Variants in TCF4 observed in about 807,000 individuals in gnomAD.
TCF4 encodes SL3-3 enhancer factor 2.
A neutral mutation model predicts 82.1 loss-of-function variants in TCF4; 3 were observed. The observed-to-expected ratio is 0.04, with a 90% CI of 0.02 to 0.09. TCF4 has a LOEUF of 0.09. TCF4 is among the 10% of genes least tolerant of loss of function. The pLI is 1.00. For synonymous variants in TCF4, 276 were observed against 309.6 expected (o/e 0.89, Z 1.14); for missense variants, 518 against 852.7 (o/e 0.61, Z 4.89).
intron 5 of TCF4, chr18:55,423,664 T>A (rs2094867841): frequency 6.6e-6 from 1 of 152,090 alleles, no homozygotes; most frequent in Non-Finnish European, 1.5e-5. Context: ...ACCAAACCAA[T>A]CAATCACAGA....
At chr18:55,362,237 G>A (rs911994634) in intron 6 of TCF4, among the ~76,000 whole-genome samples, 20 of 151,828 alleles carry the variant, frequency 1.3e-4, no homozygotes, top group African/African-American at 4.6e-4. Context: ...GAGCCCAAGA[G>A]TTCAGGAGTT....
chr18:55,511,837 T>G (rs184480671), intron 3 of TCF4, among the ~76,000 whole-genome samples: 1 of 152,132 alleles, frequency 6.6e-6, no homozygotes, highest in East Asian at 1.9e-4. Context: ...CTAATGTAAC[T>G]TGCACTTAGG....
chr18:55,444,837 C>T (rs1194405372), intron 5 of TCF4, among the ~76,000 whole-genome samples: 1 of 152,192 alleles, frequency 6.6e-6, no homozygotes, highest in South Asian at 2.1e-4. Flanking sequence ...CCATGACCTA[C>T]TTCTCCTCAT....
At chr18:55,461,609 T>C (rs2095868918) in intron 4 of TCF4, among the ~76,000 whole-genome samples, 1 of 152,134 alleles carries the variant, frequency 6.6e-6, no homozygotes, top group Non-Finnish European at 1.5e-5. Flanking sequence ...TAGTTACTAT[T>C]GTGGTATTGT....
At chr18:55,597,795 G>A (rs1603625160) in intron 2 of TCF4, among the ~76,000 whole-genome samples, 2 of 152,010 alleles carry the variant, frequency 1.3e-5, no homozygotes, top group Non-Finnish European at 2.9e-5. Flanking sequence ...TATCTAATCT[G>A]GATTTTAAAA....
intron 1 of TCF4, chr18:55,635,633 G>A: frequency 6.7e-7 from 1 of 1,493,744 alleles, no homozygotes; most frequent in Non-Finnish European, 8.9e-7. Context: ...TGGCCATGGT[G>A]GCCATGGGAG....
intron 5 of TCF4, among the ~76,000 whole-genome samples, chr18:55,449,113 G>A (rs555051620): frequency 6.6e-6 from 1 of 152,300 alleles, no homozygotes; most frequent in Admixed American, 6.5e-5. Context: ...AGTTAGGTCA[G>A]TAACAGAAGC....
chr18:55,239,309 C>T (rs1378104225), intron 15 of TCF4, among the ~76,000 whole-genome samples: 3 of 152,170 alleles, frequency 2.0e-5, no homozygotes, highest in African/African-American at 7.2e-5. Context: ...TTAGGTCAAA[C>T]TCTTCATTTT....
At chr18:55,526,043 G>A (rs901736616) in intron 3 of TCF4, among the ~76,000 whole-genome samples, 1 of 152,136 alleles carries the variant, frequency 6.6e-6, no homozygotes, top group African/African-American at 2.4e-5. Context: ...CAGGCATCAG[G>A]TAGCCACTTA....
At chr18:55,518,263 A>T (rs1413980521) in intron 3 of TCF4, among the ~76,000 whole-genome samples, 1 of 152,158 alleles carries the variant, frequency 6.6e-6, no homozygotes, top group Non-Finnish European at 1.5e-5. Flanking sequence ...ATATGAATTC[A>T]TCAGGTACAG....
At chr18:55,422,209 G>C (rs370341513) in intron 5 of TCF4, 5 of 982,242 alleles carry the variant, frequency 5.1e-6, no homozygotes, top group Non-Finnish European at 4.8e-6. Flanking sequence ...GTAGCACGCC[G>C]AGGGAGGCAC....
At chr18:55,382,496 A>G (rs1241803032) in intron 6 of TCF4, among the ~76,000 whole-genome samples, 2 of 152,148 alleles carry the variant, frequency 1.3e-5, no homozygotes, top group African/African-American at 2.4e-5. Context: ...TGTGAAAAAA[A>G]AGTCTTAGAA....
intron 1 of TCF4, among the ~76,000 whole-genome samples, chr18:55,635,249 C>A (rs1228137323): frequency 6.6e-6 from 1 of 152,170 alleles, no homozygotes; most frequent in Non-Finnish European, 1.5e-5. Flanking sequence ...TGGCTCATGC[C>A]TGTAATCCCA....
intron 5 of TCF4, among the ~76,000 whole-genome samples, chr18:55,440,798 A>G (rs748659166): frequency 6.6e-6 from 1 of 152,142 alleles, no homozygotes; most frequent in Non-Finnish European, 1.5e-5. Context: ...TGTGCTCTCC[A>G]GTTTTCCATC....
At chr18:55,422,113 A>C (rs1316884520) in intron 5 of TCF4, 2 of 712,934 alleles carry the variant, frequency 2.8e-6, no homozygotes, top group African/African-American at 2.2e-5. Flanking sequence ...AAAAAAAAAA[A>C]CCACTATCAT....
chr18:55,425,349 CTT>C (rs1383139070), intron 5 of TCF4, among the ~76,000 whole-genome samples: 1 of 145,830 alleles, frequency 6.9e-6, no homozygotes, highest in African/African-American at 2.5e-5. Flanking sequence ...TTGTTTTTGG[CTT>C]TTTTTTTTTC....
At chr18:55,407,487 A>G (rs757970652) in intron 5 of TCF4, among the ~76,000 whole-genome samples, 1 of 152,124 alleles carries the variant, frequency 6.6e-6, no homozygotes, top group Non-Finnish European at 1.5e-5. Context: ...ACAGTCCAGG[A>G]AGTCAACATG....
intron 5 of TCF4, among the ~76,000 whole-genome samples, chr18:55,456,984 T>A (rs2095769758): frequency 6.6e-6 from 1 of 152,170 alleles, no homozygotes; most frequent in Non-Finnish European, 1.5e-5. Context: ...TCTCCAGATA[T>A]AAAACAATGC....
intron 5 of TCF4, among the ~76,000 whole-genome samples, chr18:55,424,441 T>C (rs1420003538): frequency 6.6e-6 from 1 of 152,212 alleles, no homozygotes; most frequent in East Asian, 1.9e-4. Flanking sequence ...AACACCAACT[T>C]AAACACAAAG....
Sources: allele counts gnomAD v4.1 joint callset (sites outside exome capture counted in the v4.1 genomes callset), GRCh38; gene constraint gnomAD v4.1.1; transcripts MANE v1.5; gene names NCBI Gene and HGNC (gene_info 2026-07-23, HGNC 2026-07-21).